Variants in CUL1 observed in about 807,000 individuals in gnomAD.
CUL1 encodes cullin-1.
A neutral mutation model predicts 118.0 loss-of-function variants in CUL1; 24 were observed. The observed-to-expected ratio is 0.20, with a 90% confidence interval of 0.15 to 0.29. The LOEUF is 0.29. Among genes scored for constraint, CUL1 ranks in the 10% least tolerant of loss-of-function variants. CUL1 has a pLI of 1.00. For missense variants in CUL1, 361 were observed against 933.8 expected (o/e 0.39, Z 7.99); for synonymous variants, 332 against 340.4 (o/e 0.98, Z 0.27).
intron 17 of CUL1, among the ~76,000 whole-genome samples, chr7:148,796,497 A>G (rs943596838): frequency 6.6e-6 from 1 of 152,190 alleles, no homozygotes; most frequent in Non-Finnish European, 1.5e-5. Flanking sequence ...GTCATTTTGA[A>G]TGACTATTTT....
intron 9 of CUL1, among the ~76,000 whole-genome samples, chr7:148,780,502 G>T (rs369571144): frequency 7.9e-5 from 12 of 152,206 alleles, no homozygotes; most frequent in Admixed American, 7.9e-4. Context: ...GGCTCGAGCC[G>T]CTGGGTGAGT....
At chr7:148,794,857 A>C (rs1330778429) in intron 17 of CUL1, among the ~76,000 whole-genome samples, 5 of 152,212 alleles carry the variant, frequency 3.3e-5, no homozygotes, top group Non-Finnish European at 2.9e-5. Flanking sequence ...ATTGAGACGG[A>C]GTCTTGCTCT....
chr7:148,741,605 A>G (rs1292059733), intron 2 of CUL1, among the ~76,000 whole-genome samples: 1 of 147,854 alleles, frequency 6.8e-6, no homozygotes, highest in East Asian at 2.0e-4. Context: ...TGCCCAGCTA[A>G]TTTTGGTGTT....
chr7:148,799,021 A>T (rs1038639096), intron 20 of CUL1, among the ~76,000 whole-genome samples: 3 of 151,848 alleles, frequency 2.0e-5, no homozygotes, highest in African/African-American at 7.3e-5. Context: ...TTAATGCTTT[A>T]TGGTTGAGTT....
intron 7 of CUL1, among the ~76,000 whole-genome samples, chr7:148,766,224 A>G (rs577934960): frequency 1.0e-3 from 152 of 152,154 alleles, no homozygotes; most frequent in African/African-American, 3.4e-3. Flanking sequence ...TTTAACTCCT[A>G]GGCTCAAGCC....
At chr7:148,750,996 A>C (rs1034731796) in intron 2 of CUL1, among the ~76,000 whole-genome samples, 10 of 151,966 alleles carry the variant, frequency 6.6e-5, no homozygotes, top group East Asian at 3.9e-4. Flanking sequence ...AAAAAAAAAA[A>C]AAACAAAACA....
chr7:148,708,697 A>G (rs947708683), intron 1 of CUL1, among the ~76,000 whole-genome samples: 4 of 152,196 alleles, frequency 2.6e-5, no homozygotes, highest in East Asian at 1.9e-4. Context: ...TCATGCTAAC[A>G]TGCTTTTTAA....
At chr7:148,770,329 A>G (rs1800167478) in intron 9 of CUL1, among the ~76,000 whole-genome samples, 1 of 152,244 alleles carries the variant, frequency 6.6e-6, no homozygotes, top group African/African-American at 2.4e-5. Flanking sequence ...TCCCGTGAAG[A>G]AGAGTTATAG....
intron 2 of CUL1, among the ~76,000 whole-genome samples, chr7:148,737,644 A>G (rs1470279293): frequency 6.6e-6 from 1 of 151,528 alleles, no homozygotes; most frequent in Admixed American, 6.6e-5. Flanking sequence ...TCTGTTGCCC[A>G]GGCTGGAGTG....
chr7:148,781,111 T>C, intron 9 of CUL1, among the ~76,000 whole-genome samples: 1 of 76,598 alleles, frequency 1.3e-5, no homozygotes, highest in Middle Eastern at 9.8e-3. Flanking sequence ...TGACAGAGTC[T>C]CGCACCGTCA....
At chr7:148,731,091 C>T (rs116773326) in intron 2 of CUL1, among the ~76,000 whole-genome samples, 2,412 of 152,202 alleles carry the variant, frequency 0.016, 62 homozygotes, top group African/African-American at 0.055. Flanking sequence ...TTTTGGTCCA[C>T]GATGTGCATG....
At chr7:148,783,388 G>A (rs1800711936) in intron 9 of CUL1, 2 of 985,366 alleles carry the variant, frequency 2.0e-6, no homozygotes, top group South Asian at 9.4e-5. Flanking sequence ...CAGCCGGGCT[G>A]ATGACCGACC....
Position 148,799,591 on chromosome 7 carries a change from A to T in CUL1, c.2250+203A>T, listed in dbSNP as rs534410514. On this transcript the variant is annotated intron_variant, in intron 21 of 21. Coordinates refer to ENST00000325222, the MANE Select transcript of CUL1 (RefSeq NM_003592.3). The stretch of plus-strand genomic sequence containing the variant: ...CAGATGATGAAGTGCCAGCTTGATG[A>T]CTTTCACAGTCAATACACTGTGTGA... Among the ~76,000 whole-genome samples the T allele has an allele frequency of 7.9e-5, 12 of 152,368 alleles. No homozygotes were observed. The South Asian group carries it at 2.3e-3, about 29-fold the overall frequency.
At chr7:148,762,948 A>G (rs1799881788) in intron 7 of CUL1, among the ~76,000 whole-genome samples, 1 of 152,206 alleles carries the variant, frequency 6.6e-6, no homozygotes, top group Non-Finnish European at 1.5e-5. Context: ...GGAGTTCGAG[A>G]CCAGCCTGGC....
intron 3 of CUL1, 42 bp from the exon 4 acceptor site, chr7:148,756,941 G>A: frequency 2.2e-6 from 3 of 1,384,350 alleles, no homozygotes; most frequent in Middle Eastern, 5.0e-4. Flanking sequence ...TTTATAATGT[G>A]ACAAATTAGT....
chr7:148,737,447 A>G (rs1798987338), intron 2 of CUL1, among the ~76,000 whole-genome samples: 1 of 151,834 alleles, frequency 6.6e-6, no homozygotes, highest in Non-Finnish European at 1.5e-5. Context: ...TTATTCTTTT[A>G]TAACTACAGA....
chr7:148,794,394 T>C lies in CUL1; in HGVS notation c.1899+1576T>C, dbSNP rs530747851. 2.0e-5 allele frequency among the ~76,000 whole-genome samples: 3 copies of C among 152,306 alleles called. No homozygotes were observed. The South Asian group carries it at 6.2e-4, about 32-fold the overall frequency. On this transcript the variant is annotated intron_variant, in intron 17 of 21. Coordinates refer to ENST00000325222, the MANE Select transcript of CUL1 (RefSeq NM_003592.3). ...CAGTTGGCCATAGGTATATATGGGT[T>C]TATTTCTGGATTCTCAATTATTTTC... is the stretch of plus-strand genomic sequence containing the variant.
intron 8 of CUL1, among the ~76,000 whole-genome samples, chr7:148,767,273 A>G (rs577247868): frequency 6.6e-6 from 1 of 152,232 alleles, no homozygotes; most frequent in Non-Finnish European, 1.5e-5. Context: ...TGTGTCAGGC[A>G]TAAATACTAT....
chr7:148,783,437 A>G (rs1370299962), intron 9 of CUL1: 2 of 985,370 alleles, frequency 2.0e-6, no homozygotes, highest in African/African-American at 3.5e-5. Context: ...AACAGAGTCC[A>G]GAGTTCCACT....
Sources: allele counts gnomAD v4.1 joint callset (sites outside exome capture counted in the v4.1 genomes callset), GRCh38; gene constraint gnomAD v4.1.1; transcripts MANE v1.5; gene names NCBI Gene and HGNC (gene_info 2026-07-23, HGNC 2026-07-21).